KCNQ5: variants seen among roughly 807,000 people sequenced by gnomAD.
KCNQ5 encodes potassium voltage-gated channel subfamily KQT member 5.
KCNQ5 carries 30 observed loss-of-function variants against 98.2 expected under a neutral mutation model. That is an observed-to-expected ratio of 0.31 (90% CI 0.23 to 0.41). The LOEUF (loss-of-function observed/expected upper bound fraction) is 0.41. Among genes scored for constraint, KCNQ5 ranks in the 10% least tolerant of loss-of-function variants. The pLI is 1.00. For missense variants in KCNQ5, 835 were observed against 1,182.5 expected, an observed-to-expected ratio of 0.71 and a Z score of 4.31; for synonymous variants, 458 against 449.4, an observed-to-expected ratio of 1.02 and a Z score of -0.24.
chr6:72,742,007 G>A (rs976383741), intron 1 of KCNQ5, among the ~76,000 whole-genome samples: 13 of 152,242 alleles, frequency 8.5e-5, no homozygotes, highest in Admixed American at 6.5e-4. Flanking sequence ...CAACCTATCC[G>A]CTTCATGCTC....
Position 72,788,130 on chromosome 6 carries a change from T to G in KCNQ5, c.398+165543T>G, listed in dbSNP as rs185097554. On this transcript the variant is annotated intron_variant, in intron 1 of 13. Transcript: ENST00000370398. ...CTGAATAAGTGAACGGATGAATGAG[T>G]GGGGAAGAAAAGTGGGGAAAAAAAT... 1.6e-3 allele frequency among the ~76,000 whole-genome samples: 243 copies of G among 152,056 alleles called. 1 individual carries two copies. The highest frequency in any genetic ancestry group is 2.6e-3 in the Non-Finnish European group (179 of 67,958).
intron 11 of KCNQ5, among the ~76,000 whole-genome samples, chr6:73,176,746 T>G (rs1008615886): frequency 6.6e-6 from 1 of 152,118 alleles, no homozygotes; most frequent in Non-Finnish European, 1.5e-5. Context: ...ATCTGGAGGA[T>G]GGTGAGACAG....
At chr6:73,178,911 G>A (rs1302148019) in intron 11 of KCNQ5, among the ~76,000 whole-genome samples, 1 of 152,132 alleles carries the variant, frequency 6.6e-6, no homozygotes, top group Admixed American at 6.5e-5. Flanking sequence ...TAACACATAT[G>A]CCTTCAATAG....
chr6:73,055,367 G>A, intron 3 of KCNQ5: 1 of 1,462,360 alleles, frequency 6.8e-7, no homozygotes, highest in Non-Finnish European at 9.5e-7. Context: ...GCACTATGGG[G>A]CTCTAGCCGG....
intron 9 of KCNQ5, among the ~76,000 whole-genome samples, chr6:73,127,206 A>C (rs1050590161): frequency 1.3e-5 from 2 of 152,206 alleles, no homozygotes; most frequent in South Asian, 4.1e-4. Flanking sequence ...TCCTTACAGA[A>C]GAGTAGATCT....
chr6:72,681,322 A>G (rs1156890174), intron 1 of KCNQ5, among the ~76,000 whole-genome samples: 2 of 152,222 alleles, frequency 1.3e-5, no homozygotes, highest in African/African-American at 4.8e-5. Flanking sequence ...GCTTTTATTC[A>G]TTGAGTAATT....
intron 1 of KCNQ5, among the ~76,000 whole-genome samples, chr6:72,981,632 G>C (rs1768456871): frequency 6.6e-6 from 1 of 152,038 alleles, no homozygotes; most frequent in Admixed American, 6.5e-5. Flanking sequence ...TGATTTTTTT[G>C]AAGGGTTTTT....
intron 1 of KCNQ5, among the ~76,000 whole-genome samples, chr6:72,776,784 C>T (rs145557096): frequency 4.4e-3 from 666 of 152,198 alleles, no homozygotes; most frequent in Non-Finnish European, 7.5e-3. Context: ...GAGAATTTAT[C>T]CTTCAGGTGG....
chr6:72,934,127 A>C (rs1278306113), intron 1 of KCNQ5, among the ~76,000 whole-genome samples: 1 of 152,208 alleles, frequency 6.6e-6, no homozygotes, highest in East Asian at 1.9e-4. Flanking sequence ...AGAGGCATGA[A>C]GATCCTACTT....
At chr6:72,685,499 T>C (rs1032065757) in intron 1 of KCNQ5, among the ~76,000 whole-genome samples, 3 of 152,218 alleles carry the variant, frequency 2.0e-5, no homozygotes, top group Admixed American at 2.0e-4. Context: ...ACCAATTTCT[T>C]ACTCCAGAGT....
At chr6:73,012,066 T>C (rs116617825) in intron 2 of KCNQ5, among the ~76,000 whole-genome samples, 4,527 of 152,100 alleles carry the variant, frequency 0.03, 223 homozygotes, top group African/African-American at 0.1. Context: ...CAGCTTTTTT[T>C]CCTCAAAAAA....
At chr6:72,815,742 T>C (rs1775479152) in intron 1 of KCNQ5, among the ~76,000 whole-genome samples, 3 of 152,120 alleles carry the variant, frequency 2.0e-5, no homozygotes, top group Admixed American at 1.3e-4. Context: ...ATGAGACTGG[T>C]GCAAGAGGGA....
chr6:72,666,464 T>G (rs1766821207), intron 1 of KCNQ5, among the ~76,000 whole-genome samples: 1 of 152,188 alleles, frequency 6.6e-6, no homozygotes, highest in Admixed American at 6.5e-5. Flanking sequence ...TTCGCCAAAT[T>G]TAATAGGCTA....
rs146152816 is a variant in KCNQ5 at position 72,844,540 on chromosome 6, A to T, written c.399-159368A>T. ...CTGTATAATTCAAACTGTACATATCACCCTTTATTTTCTATTAATCTAAAC... is the reference window on the plus strand; with the variant it reads ...CTGTATAATTCAAACTGTACATATCTCCCTTTATTTTCTATTAATCTAAAC... On this transcript the variant is annotated intron_variant, in intron 1 of 13. Transcript: ENST00000370398. 2.5e-4 allele frequency among the ~76,000 whole-genome samples: 38 copies of T among 152,274 alleles called. 1 individual carries two copies. The East Asian group carries it at 7.1e-3, about 29-fold the overall frequency.
At chr6:73,054,645 C>A (rs1772385330) in intron 3 of KCNQ5, among the ~76,000 whole-genome samples, 1 of 152,146 alleles carries the variant, frequency 6.6e-6, no homozygotes, top group Non-Finnish European at 1.5e-5. Context: ...GTTCAACATC[C>A]CTTCACGTTA....
chr6:72,995,282 C>A (rs535831437), intron 1 of KCNQ5, among the ~76,000 whole-genome samples: 14 of 150,758 alleles, frequency 9.3e-5, no homozygotes, highest in South Asian at 2.1e-4. Context: ...GCAGGAGAAT[C>A]GCTTGAACCC....
At chr6:73,169,332 A>C (rs1288917049) in intron 10 of KCNQ5, among the ~76,000 whole-genome samples, 3 of 152,242 alleles carry the variant, frequency 2.0e-5, no homozygotes, top group Admixed American at 6.5e-5. Flanking sequence ...TAATGGGGTC[A>C]GTGTCATGGG....
At chr6:72,693,005 T>C (rs1768289288) in intron 1 of KCNQ5, among the ~76,000 whole-genome samples, 1 of 152,086 alleles carries the variant, frequency 6.6e-6, no homozygotes. Context: ...TGTTGGGAAA[T>C]GGATTATTTT....
At chr6:72,885,025 T>C (rs534472592) in intron 1 of KCNQ5, among the ~76,000 whole-genome samples, 14 of 152,262 alleles carry the variant, frequency 9.2e-5, no homozygotes, top group African/African-American at 3.4e-4. Flanking sequence ...AGTTACCCTA[T>C]CTTTAAAATG....
Sources: gnomAD v4.1 joint callset for allele counts (sites outside exome capture counted in the v4.1 genomes callset) on GRCh38, gnomAD v4.1.1 for gene constraint, MANE v1.5 for transcripts, NCBI Gene and HGNC (gene_info 2026-07-23, HGNC 2026-07-21) for gene names.